FES: variants seen among roughly 807,000 people sequenced by gnomAD.
The protein encoded by FES is FES proto-oncogene, tyrosine kinase, also known as tyrosine-protein kinase Fes/Fps.
FES carries 83 observed loss-of-function variants against 109.6 expected under a neutral mutation model. The ratio of observed to expected loss-of-function variants is 0.76; its 90% CI spans 0.63 to 0.91. The LOEUF (loss-of-function observed/expected upper bound fraction) is 0.91. FES is among the 40% of genes least tolerant of loss of function. The pLI, the probability that FES is intolerant of heterozygous loss-of-function variation, is 0.00. For missense variants in FES, 943 were observed against 1,070.9 expected (o/e 0.88, Z 1.67); for synonymous variants, 458 against 442.1 (o/e 1.04, Z -0.45).
In FES at chr15:90,885,526, C is replaced by G; in HGVS notation, c.328C>G (p.Gln110Glu). The G allele has an allele frequency of 6.2e-7, 1 of 1,613,252 alleles. No homozygotes were observed. The highest frequency in any genetic ancestry group is 8.5e-7 in the Non-Finnish European group (1 of 1,180,006). Residue 110 changes from glutamine (Q) to glutamate (E), a missense_variant, in exon 3 of 19, where the codon CAG (glutamine) becomes GAG (glutamate). Physicochemically the swap from Gln to Glu is conservative, Grantham distance 29. Coordinates refer to ENST00000328850, the MANE Select transcript of FES (RefSeq NM_002005.4). ...SKLSLLIRER[Q>E]QLRKTYSEQW... ...GCTGAGCCTGCTCATCCGGGAACGG[C>G]AGCAGCTTCGCAAGACCTACAGCGA...
rs758199063 is a variant in FES, at chr15:90,885,498, C to G, written c.300C>G (p.Ser100Arg). The G allele has an allele frequency of 1.9e-6, 3 of 1,613,246 alleles. No individual in the cohort carries two copies. The highest frequency in any genetic ancestry group is 2.5e-6 in the Non-Finnish European group (3 of 1,180,022). ...HAEDLNSGPL[S>R]KLSLLIRERQ... Reference sequence around the variant, plus strand: ...AGGATCTGAACTCAGGGCCCCTGAGCAAGCTGAGCCTGCTCATCCGGGAAC... The same window carrying G: ...AGGATCTGAACTCAGGGCCCCTGAGGAAGCTGAGCCTGCTCATCCGGGAAC... The change falls in exon 3 of 19, where the codon AGC becomes AGG. Residue 100 changes from serine (S) to arginine (R), a missense_variant. Transcript: ENST00000328850.
intron 1 of FES, 30 bp from the exon 2 acceptor site, chr15:90,885,007 C>T: frequency 6.4e-7 from 1 of 1,555,386 alleles, no homozygotes. Context: ...GCTGCCTTGC[C>T]TCCAGGGATG....
At position 90,893,765 on chromosome 15, in the gene FES, C is replaced by T. The variant is rs753292961; in HGVS notation, c.2157C>T (p.Leu719=). The part of the protein sequence containing the change: ...ADGVYAASGG[L]RQVPVKWTAP... ...GGGTCTATGCAGCCTCAGGGGGCCT[C>T]AGACAAGTCCCCGTGAAGTGGACCG... The change falls in exon 17 of 19, where the codon CTC becomes CTT. Residue 719 remains leucine (L), a synonymous_variant. Transcript: ENST00000328850. 13 of 1,607,616 alleles carry T rather than the reference C, an allele frequency of 8.1e-6. No individual in the cohort carries two copies. The highest frequency in any genetic ancestry group is 5.5e-5 in the South Asian group (5 of 90,642).
chr15:90,891,134 C>A lies in FES; in HGVS notation c.1473C>A (p.Tyr491Ter), dbSNP rs139460083. 1 of 1,577,918 alleles carries A rather than the reference C, an allele frequency of 6.3e-7. No individual in the cohort carries two copies. Among genetic ancestry groups the A allele is most frequent in the Non-Finnish European group, 8.6e-7 (1 of 1,161,640 alleles). ...LVRESQGKQE[Y>*]VLSVLWDGLP... ...GGGAGAGCCAGGGCAAGCAGGAGTA[C>A]GTGCTGTCGGTGCTGTGGGATGGTC... The change falls in exon 11 of 19, where the codon TAC (tyrosine) becomes TAA (stop). Residue 491 changes from tyrosine to a stop codon, truncating the protein, a stop_gained. Transcript: ENST00000328850. LOFTEE classifies it high-confidence loss of function.
chr15:90,890,700 T>C (rs2033130547), intron 10 of FES, among the ~76,000 whole-genome samples: 1 of 129,058 alleles, frequency 7.7e-6, no homozygotes, highest in African/African-American at 2.9e-5. Flanking sequence ...GACTATTCCA[T>C]GGCTCTCCCT....
rs773105691 is a variant in FES, at chr15:90,887,400, C to A, written c.668+30C>A. On this transcript the variant is annotated intron_variant, in intron 5 of 18. Transcript: ENST00000328850. ...GCCCGCAGCCCCGTCCCCTGGCCCC[C>A]ACCCTTGAGCAGCCCTAAGCCCAGC... 7 of 1,577,432 alleles carry A rather than the reference C, an allele frequency of 4.4e-6. No individual in the cohort carries two copies. In the South Asian group the frequency reaches 4.6e-5, roughly 10 times the overall value.
intron 2 of FES, 65 bp from the exon 3 acceptor site, chr15:90,885,347 C>A: frequency 6.3e-7 from 1 of 1,596,780 alleles, no homozygotes; most frequent in Non-Finnish European, 8.5e-7. Context: ...GGCTGGAGAT[C>A]TGGCAGGCCA....
rs2033455203 is a variant in FES, at chr15:90,893,756, A to C, written c.2148A>C (p.Ser716=). 1 of 1,609,076 alleles carries C rather than the reference A, an allele frequency of 6.2e-7. No individual in the cohort carries two copies. The highest frequency in any genetic ancestry group is 1.7e-5 in the Admixed American group (1 of 59,430). The change falls in exon 17 of 19, where the codon TCA becomes TCC. Residue 716 remains serine, a synonymous_variant. Coordinates refer to ENST00000328850, the MANE Select transcript of FES (RefSeq NM_002005.4). ...REEADGVYAA[S]GGLRQVPVKW... ...AAGCCGATGGGGTCTATGCAGCCTC[A>C]GGGGGCCTCAGACAAGTCCCCGTGA...
At chr15:90,895,372 C>CTA in intron 18 of FES, 44 bp from the exon 19 acceptor site, 1 of 1,465,076 alleles carries the variant, frequency 6.8e-7, no homozygotes, top group Non-Finnish European at 9.1e-7. Context: ...CGAGGACCCT[C>CTA]AAACTCCCTC....
At chr15:90,895,347 T>TC (rs2033613269) in intron 18 of FES, 69 bp from the exon 19 acceptor site, 1 of 1,331,904 alleles carries the variant, frequency 7.5e-7, no homozygotes, top group Non-Finnish European at 9.9e-7. Flanking sequence ...GCTCATGGTA[T>TC]CCCCCAGAGT....
Position 90,895,659 on chromosome 15 carries a change from C to T in FES, c.*101C>T. 1 of 1,102,092 alleles carries T rather than the reference C, an allele frequency of 9.1e-7. No homozygotes were observed. The highest frequency in any genetic ancestry group is 1.2e-6 in the Non-Finnish European group (1 of 813,504). 68.3% of individuals were successfully genotyped at this position (1,102,092 alleles called of 1,614,324 possible). ...TGACAGCTCTTCACAGTCCTGGACT[C>T]CTGCCACCAGCATCCACACTGCCGG... On this transcript the variant is annotated 3_prime_UTR_variant, in exon 19 of 19. Coordinates refer to ENST00000328850, the MANE Select transcript of FES (RefSeq NM_002005.4).
chr15:90,884,802 G>A (rs1255125687), intron 1 of FES: 2 of 497,008 alleles, frequency 4.0e-6, no homozygotes, highest in African/African-American at 1.9e-5. Flanking sequence ...GGAGGCTCCA[G>A]GTTGGCTCCT....
chr15:90,887,422 C>T (rs765546858), intron 5 of FES, 52 bp downstream of exon 5: 2 of 1,525,246 alleles, frequency 1.3e-6, no homozygotes, highest in South Asian at 2.4e-5. Flanking sequence ...GCCCTAAGCC[C>T]AGCCATCAGG....
chr15:90,890,680 C>G (rs1266925654), intron 10 of FES, among the ~76,000 whole-genome samples, 196 bp downstream of exon 10: 1 of 151,838 alleles, frequency 6.6e-6, no homozygotes, highest in Non-Finnish European at 1.5e-5. Context: ...CTAAAGGGAC[C>G]AGCAACCTCG....
intron 14 of FES, 40 bp from the exon 15 acceptor site, chr15:90,893,060 G>C (rs765148090): frequency 1.3e-6 from 2 of 1,596,042 alleles, no homozygotes; most frequent in Non-Finnish European, 1.7e-6. Context: ...CTGGGGAGGC[G>C]GGCCTGGCCA....
Position 90,885,394 on chromosome 15 carries a change from C to G in FES, c.214-18C>G, listed in dbSNP as rs1003480624. 2.5e-6 allele frequency: 4 copies of G among 1,602,752 alleles called. No homozygotes were observed. The Middle Eastern group carries it at 5.0e-4, about 200-fold the overall frequency. On this transcript the variant is annotated intron_variant, in intron 2 of 18. Coordinates refer to ENST00000328850, the MANE Select transcript of FES (RefSeq NM_002005.4). ...CCATTGTGCCCCCCTCCCTGCCTCC[C>G]CCATCTGTGCTGTATAGTCCTGGGC... is the stretch of plus-strand genomic sequence containing the variant.
At position 90,893,755 on chromosome 15, in the gene FES, CA is replaced by C; in HGVS notation, c.2148del (p.Gly718AlafsTer7). ...GAAGCCGATGGGGTCTATGCAGCCT[CA>C]GGGGGCCTCAGACAAGTCCCCGTGA... The part of the protein sequence containing the change: ...REEADGVYAA[S>X]GGLRQVPVKW... On this transcript the variant is annotated frameshift_variant, in exon 17 of 19. Coordinates refer to ENST00000328850, the MANE Select transcript of FES (RefSeq NM_002005.4). LOFTEE classifies it high-confidence loss of function. The C allele has an allele frequency of 3.1e-6, 5 of 1,609,410 alleles. No individual in the cohort carries two copies. Among genetic ancestry groups the C allele is most frequent in the Non-Finnish European group, 4.2e-6 (5 of 1,177,726 alleles).
chr15:90,888,117 T>C (rs1203509091), intron 5 of FES, among the ~76,000 whole-genome samples: 1 of 152,080 alleles, frequency 6.6e-6, no homozygotes, highest in African/African-American at 2.4e-5. Context: ...TTGTTTTAAC[T>C]TTTTTTGAGT....
chr15:90,890,057 T>A (rs752256876), intron 8 of FES, 35 bp from the exon 9 acceptor site: 8 of 1,565,766 alleles, frequency 5.1e-6, no homozygotes, highest in Non-Finnish European at 6.9e-6. Context: ...CGAGCCCTTA[T>A]TCTCATCCAC....
Sources: allele counts gnomAD v4.1 joint callset (sites outside exome capture counted in the v4.1 genomes callset), GRCh38; gene constraint gnomAD v4.1.1; transcripts MANE v1.5; gene names NCBI Gene and HGNC (gene_info 2026-07-23, HGNC 2026-07-21).